Variants in CRY1 observed in about 807,000 individuals in gnomAD.
CRY1 encodes cryptochrome-1.
CRY1 carries 45 observed loss-of-function variants against 76.0 expected under a neutral mutation model. The observed-to-expected ratio is 0.59, with a 90% CI of 0.47 to 0.76. CRY1 has a LOEUF of 0.76. CRY1 is among the 30% of genes least tolerant of loss of function. The pLI, the probability that CRY1 is intolerant of heterozygous loss-of-function variation, is 0.00. For synonymous variants in CRY1, 248 were observed against 244.0 expected (o/e 1.02, Z -0.15); for missense variants, 587 against 716.4 (o/e 0.82, Z 2.06).
chr12:107,027,393 C>T (rs774152494), intron 1 of CRY1, among the ~76,000 whole-genome samples: 6 of 152,158 alleles, frequency 3.9e-5, no homozygotes, highest in African/African-American at 1.4e-4. Flanking sequence ...TCTTGAACTA[C>T]ACCCATTTGA....
chr12:107,052,104 G>C (rs1952929669), intron 1 of CRY1, among the ~76,000 whole-genome samples: 1 of 151,988 alleles, frequency 6.6e-6, no homozygotes, highest in Non-Finnish European at 1.5e-5. Context: ...TTTTCTAACG[G>C]TTACTTGGTA....
chr12:107,025,070 T>C (rs934300796), intron 1 of CRY1, among the ~76,000 whole-genome samples: 8 of 152,228 alleles, frequency 5.3e-5, no homozygotes, highest in African/African-American at 1.9e-4. Context: ...TTACATTGCA[T>C]GCATCTACTT....
chr12:107,066,277 C>T (rs977968362), intron 1 of CRY1, among the ~76,000 whole-genome samples: 2 of 152,066 alleles, frequency 1.3e-5, no homozygotes, highest in Admixed American at 1.3e-4. Flanking sequence ...TTACATTTTA[C>T]TTCCTTGTTA....
intron 1 of CRY1, among the ~76,000 whole-genome samples, chr12:107,064,411 AT>A (rs1953086665): frequency 6.6e-6 from 1 of 152,258 alleles, no homozygotes; most frequent in Non-Finnish European, 1.5e-5. Context: ...CCACATACTT[AT>A]TAGAATGGGA....
At chr12:107,010,769 A>G (rs1409258378) in intron 2 of CRY1, among the ~76,000 whole-genome samples, 2 of 151,864 alleles carry the variant, frequency 1.3e-5, no homozygotes, top group Non-Finnish European at 2.9e-5. Flanking sequence ...TGATGCTACT[A>G]TTGTAATTGT....
chr12:107,009,573 T>C (rs1194358831), intron 2 of CRY1, among the ~76,000 whole-genome samples: 2 of 20,242 alleles, frequency 9.9e-5, no homozygotes, highest in African/African-American at 4.1e-4. Flanking sequence ...CATATATATA[T>C]ATATATATAT....
chr12:107,060,061 C>G (rs1466454802), intron 1 of CRY1, among the ~76,000 whole-genome samples: 1 of 152,116 alleles, frequency 6.6e-6, no homozygotes, highest in Non-Finnish European at 1.5e-5. Flanking sequence ...CATAAAAGAA[C>G]AAAATATTGA....
chr12:107,078,778 C>T (rs185167449), intron 1 of CRY1, among the ~76,000 whole-genome samples: 2 of 152,238 alleles, frequency 1.3e-5, no homozygotes, highest in African/African-American at 4.8e-5. Context: ...AACTTAATGT[C>T]TAATTGTCAC....
intron 1 of CRY1, among the ~76,000 whole-genome samples, chr12:107,070,475 C>A (rs1953175167): frequency 6.6e-6 from 1 of 151,864 alleles, no homozygotes; most frequent in African/African-American, 2.4e-5. Context: ...AATATAACCA[C>A]AATGTATACT....
chr12:107,050,791 C>A (rs992603761), intron 1 of CRY1, among the ~76,000 whole-genome samples: 1 of 152,132 alleles, frequency 6.6e-6, no homozygotes. Context: ...ACAGACTAAC[C>A]AGCCTTGGAA....
At chr12:107,087,740 G>T (rs1383849285) in intron 1 of CRY1, among the ~76,000 whole-genome samples, 1 of 152,116 alleles carries the variant, frequency 6.6e-6, no homozygotes, top group Non-Finnish European at 1.5e-5. Context: ...TGAAAGAGAT[G>T]ATTATATCTT....
At chr12:107,056,422 T>A (rs767024534) in intron 1 of CRY1, among the ~76,000 whole-genome samples, 6 of 152,158 alleles carry the variant, frequency 3.9e-5, no homozygotes, top group Non-Finnish European at 5.9e-5. Flanking sequence ...TGCCCTGCAG[T>A]GGTAATGACT....
intron 1 of CRY1, among the ~76,000 whole-genome samples, chr12:107,064,311 AAC>A: frequency 6.6e-6 from 1 of 152,344 alleles, no homozygotes; most frequent in East Asian, 1.9e-4. Flanking sequence ...AGATTAGAGT[AAC>A]ACACTTCACC....
intron 1 of CRY1, among the ~76,000 whole-genome samples, chr12:107,053,557 AT>A (rs1952947602): frequency 6.6e-6 from 1 of 152,136 alleles, no homozygotes; most frequent in African/African-American, 2.4e-5. Flanking sequence ...ACCTCAGGTG[AT>A]TTGCCTGCCT....
intron 1 of CRY1, among the ~76,000 whole-genome samples, chr12:107,022,888 G>A (rs1447633315): frequency 6.6e-6 from 1 of 151,232 alleles, no homozygotes; most frequent in Non-Finnish European, 1.5e-5. Context: ...TTGGGGTGGA[G>A]ATTATAGACT....
intron 1 of CRY1, among the ~76,000 whole-genome samples, chr12:107,025,761 C>G (rs1405607532): frequency 6.6e-6 from 1 of 152,016 alleles, no homozygotes; most frequent in African/African-American, 2.4e-5. Flanking sequence ...CCTTCCCATA[C>G]AAAGGTTTTC....
intron 2 of CRY1, among the ~76,000 whole-genome samples, chr12:107,010,680 G>T (rs921897538): frequency 1.3e-5 from 2 of 151,920 alleles, no homozygotes; most frequent in African/African-American, 4.8e-5. Flanking sequence ...CTGGCCTCAA[G>T]TGATCCTCCC....
chr12:107,001,543 G>C (rs962927668), intron 4 of CRY1, among the ~76,000 whole-genome samples, 175 bp from the exon 5 acceptor site: 3 of 152,146 alleles, frequency 2.0e-5, no homozygotes, highest in African/African-American at 7.2e-5. Flanking sequence ...AATTTTTCAG[G>C]ATGTACATCT....
rs539705233 is a variant in CRY1, at chr12:107,092,683, G to C, written c.158+121C>G. ...TTAATACTTAGGGCACCTAAAATTC[G>C]TAAGCGGTATAAGCAAGACAGTCCC... On this transcript the variant is annotated intron_variant, in intron 1 of 12. Transcript: ENST00000008527. 6 of 1,427,046 alleles carry C rather than the reference G, an allele frequency of 4.2e-6. No homozygotes were observed. The East Asian group carries it at 7.4e-5, about 18-fold the overall frequency. The allele number at this position is 1,427,046 out of a possible 1,614,324, so 88.4% of individuals were successfully genotyped here.
Sources: gnomAD v4.1 joint callset for allele counts (sites outside exome capture counted in the v4.1 genomes callset) on GRCh38, gnomAD v4.1.1 for gene constraint, MANE v1.5 for transcripts, NCBI Gene and HGNC (gene_info 2026-07-23, HGNC 2026-07-21) for gene names.